SRPK2: variants seen among roughly 807,000 people sequenced by gnomAD.
SRPK2 encodes the protein SFRS protein kinase 2.
In SRPK2, 21 loss-of-function variants were observed where a neutral mutation model predicts 90.8. That is an observed-to-expected ratio of 0.23 (90% CI 0.16 to 0.33). The LOEUF (loss-of-function observed/expected upper bound fraction) is 0.33. Ranked by LOEUF, SRPK2 falls within the 10% of genes least tolerant of loss-of-function variation. The pLI is 1.00. For missense variants in SRPK2, 620 were observed against 869.0 expected (o/e 0.71, Z 3.60); for synonymous variants, 288 against 311.1 (o/e 0.93, Z 0.78).
intron 2 of SRPK2, chr7:105,297,590 C>T: frequency 4.5e-6 from 3 of 663,576 alleles, no homozygotes; most frequent in Non-Finnish European, 5.6e-6. Flanking sequence ...GTCCACGCTA[C>T]AATTACCTAA....
At chr7:105,210,056 C>T (rs1796669977) in intron 2 of SRPK2, among the ~76,000 whole-genome samples, 2 of 152,182 alleles carry the variant, frequency 1.3e-5, no homozygotes, top group Admixed American at 6.5e-5. Context: ...AACTACAAGT[C>T]TCATCTGCTC....
chr7:105,131,975 C>G lies in SRPK2; in HGVS notation c.1752+816G>C, dbSNP rs1175189926. On this transcript the variant is annotated intron_variant, in intron 13 of 15. Coordinates refer to ENST00000393651, the MANE Select transcript of SRPK2 (RefSeq NM_182692.3). ...GCAGAGGAAGAGAACCAGGAACTGG[C>G]TCGCAAATGCAGGGCCCTTTGTGTT... 2.6e-5 allele frequency among the ~76,000 whole-genome samples: 4 copies of G among 152,184 alleles called. No homozygotes were observed. The South Asian group carries it at 8.3e-4, about 32-fold the overall frequency.
At chr7:105,240,963 A>C (rs1291436404) in intron 2 of SRPK2, among the ~76,000 whole-genome samples, 2 of 152,310 alleles carry the variant, frequency 1.3e-5, no homozygotes, top group East Asian at 3.9e-4. Flanking sequence ...TTTTTTAAAG[A>C]ATGTTCCAGT....
At chr7:105,159,129 A>C (rs1807027092) in intron 7 of SRPK2, among the ~76,000 whole-genome samples, 1 of 152,124 alleles carries the variant, frequency 6.6e-6, no homozygotes, top group Non-Finnish European at 1.5e-5. Context: ...AATGTAGTGA[A>C]CTTTTCCCTC....
chr7:105,290,436 C>T (rs1229064947), intron 2 of SRPK2, among the ~76,000 whole-genome samples: 1 of 152,040 alleles, frequency 6.6e-6, no homozygotes, highest in East Asian at 1.9e-4. Flanking sequence ...AGGCGGAGTT[C>T]ACAGTGAGCG....
At chr7:105,204,414 T>C (rs890140740) in intron 2 of SRPK2, among the ~76,000 whole-genome samples, 4 of 152,212 alleles carry the variant, frequency 2.6e-5, no homozygotes, top group Admixed American at 6.5e-5. Flanking sequence ...TGTGTTTGAT[T>C]GATTGAGATT....
At position 105,268,832 on chromosome 7, in the gene SRPK2, G is replaced by A. The variant is rs78383877; in HGVS notation, c.72-65047C>T. 1.7e-4 allele frequency: 267 copies of A among 1,600,060 alleles called. No homozygotes were observed. The African/African-American group carries it at 2.8e-3, about 17-fold the overall frequency. ...TTTCTGAAGAGGACGACTTCTCAGA[G>A]TTAACTGACATCAGCAGCTCAATCT... On this transcript the variant is annotated intron_variant, in intron 2 of 15. Coordinates refer to ENST00000393651, the MANE Select transcript of SRPK2 (RefSeq NM_182692.3).
chr7:105,177,934 C>G (rs1292650684), intron 3 of SRPK2, among the ~76,000 whole-genome samples: 1 of 150,162 alleles, frequency 6.7e-6, no homozygotes, highest in Non-Finnish European at 1.5e-5. Context: ...GAGGCTGAGG[C>G]AGGAGAACGG....
intron 11 of SRPK2, among the ~76,000 whole-genome samples, chr7:105,137,871 G>A (rs370657977): frequency 5.3e-5 from 8 of 152,238 alleles, no homozygotes; most frequent in South Asian, 2.1e-4. Context: ...ACGAAGTACC[G>A]TGTGGTCAAG....
At chr7:105,296,910 A>C (rs995952324) in intron 2 of SRPK2, among the ~76,000 whole-genome samples, 1 of 152,250 alleles carries the variant, frequency 6.6e-6, no homozygotes, top group Admixed American at 6.5e-5. Context: ...TACAGCTAGC[A>C]AATGGTAAAG....
chr7:105,301,472 GT>G (rs1563213333), intron 2 of SRPK2: 2 of 1,003,300 alleles, frequency 2.0e-6, no homozygotes, highest in African/African-American at 3.2e-5. Context: ...CTTTGTCTTC[GT>G]TGTTGCAAGC....
intron 8 of SRPK2, 97 bp downstream of exon 8, chr7:105,146,396 C>T: frequency 7.7e-7 from 1 of 1,294,570 alleles, no homozygotes; most frequent in Non-Finnish European, 1.0e-6. Flanking sequence ...CAAAATCTTC[C>T]TTATGTGTAA....
chr7:105,349,906 T>C lies in SRPK2; in HGVS notation c.71+38742A>G, dbSNP rs1816951539. Reference sequence around the variant, plus strand: ...GGCACATGCCACCACACCTGGCTAATTTTTGTATTCTTAGTAGAGATGGGG... The same window carrying C: ...GGCACATGCCACCACACCTGGCTAACTTTTGTATTCTTAGTAGAGATGGGG... On this transcript the variant is annotated intron_variant, in intron 2 of 15. Coordinates refer to ENST00000393651, the MANE Select transcript of SRPK2 (RefSeq NM_182692.3). Among the ~76,000 whole-genome samples the C allele has an allele frequency of 2.0e-5, 3 of 151,676 alleles. No individual in the cohort carries two copies. In the South Asian group the frequency reaches 6.3e-4, roughly 32 times the overall value.
chr7:105,125,032 C>T (rs1391255847), intron 15 of SRPK2, among the ~76,000 whole-genome samples: 1 of 147,022 alleles, frequency 6.8e-6, no homozygotes, highest in African/African-American at 2.5e-5. Flanking sequence ...TGGGAGGCTG[C>T]GGCAGGAGAA....
chr7:105,284,922 T>C (rs1479877649), intron 2 of SRPK2, among the ~76,000 whole-genome samples: 1 of 152,208 alleles, frequency 6.6e-6, no homozygotes, highest in Non-Finnish European at 1.5e-5. Context: ...AAACTCGTTC[T>C]TCAATTTAAT....
intron 2 of SRPK2, among the ~76,000 whole-genome samples, chr7:105,357,430 A>G (rs1357153307): frequency 6.6e-6 from 1 of 152,166 alleles, no homozygotes; most frequent in Non-Finnish European, 1.5e-5. Context: ...TTAGTTTGAA[A>G]TTACAAACCT....
At chr7:105,119,103 A>G (rs1349800808) in intron 15 of SRPK2, among the ~76,000 whole-genome samples, 1 of 150,878 alleles carries the variant, frequency 6.6e-6, no homozygotes, top group African/African-American at 2.4e-5. Flanking sequence ...CCCACACCTC[A>G]GAGCAGCCAG....
intron 2 of SRPK2, among the ~76,000 whole-genome samples, chr7:105,360,974 G>A (rs1818358940): frequency 6.6e-6 from 1 of 152,090 alleles, no homozygotes; most frequent in Non-Finnish European, 1.5e-5. Flanking sequence ...GGAAGTTCTG[G>A]CCAGGGCAAT....
chr7:105,258,816 G>A (rs553399294), intron 2 of SRPK2, among the ~76,000 whole-genome samples: 50 of 152,116 alleles, frequency 3.3e-4, no homozygotes, highest in Non-Finnish European at 5.9e-4. Context: ...TGCAGAAAAG[G>A]CCTTCAACAA....
Sources: gnomAD v4.1 joint callset for allele counts (sites outside exome capture counted in the v4.1 genomes callset) on GRCh38, gnomAD v4.1.1 for gene constraint, MANE v1.5 for transcripts, NCBI Gene and HGNC (gene_info 2026-07-23, HGNC 2026-07-21) for gene names.